The following PDK1 variants were observed in gnomAD, a reference collection of about 807,000 sequenced individuals.
The protein encoded by PDK1 is pyruvate dehydrogenase kinase 1.
Under a neutral mutation model 54.2 loss-of-function variants are expected in PDK1, and 39 were observed. The ratio of observed to expected loss-of-function variants is 0.72; its 90% CI spans 0.56 to 0.94. The LOEUF (loss-of-function observed/expected upper bound fraction) is 0.94. Ranked by LOEUF, PDK1 falls within the 40% of genes least tolerant of loss-of-function variation. The pLI is 0.00. For missense variants in PDK1, 552 were observed against 566.0 expected, an observed-to-expected ratio of 0.98 and a Z score of 0.25; for synonymous variants, 221 against 207.1, an observed-to-expected ratio of 1.07 and a Z score of -0.58.
rs562179234 is a variant in PDK1 at position 172,608,178 on chromosome 2, A to G, written c.*12209A>G. On this transcript the variant is annotated 3_prime_UTR_variant, in exon 11 of 11. Transcript: ENST00000282077. ...AAACATATAGAGTGAGATAGGAGAA[A>G]AGAAATGGGATGATAATGATATTGC... The G allele has an allele frequency of 5.3e-5, 8 of 151,184 alleles. No homozygotes were observed. The highest frequency in any genetic ancestry group is 8.8e-5 in the Non-Finnish European group (6 of 67,816). 9.4% of individuals were successfully genotyped at this position (151,184 alleles called of 1,614,324 possible). A position where few individuals can be genotyped will look rare whatever the true frequency, so the allele number is the denominator to read the frequency against.
the PDK1 span, among the ~76,000 whole-genome samples, chr2:172,621,401 T>A: frequency 6.6e-6 from 1 of 152,090 alleles, no homozygotes; most frequent in Non-Finnish European, 1.5e-5. Flanking sequence ...GGATGCTTCC[T>A]GCCCTTGAAC....
At chr2:172,658,704 G>C in the PDK1 span, among the ~76,000 whole-genome samples, 1 of 152,096 alleles carries the variant, frequency 6.6e-6, no homozygotes, top group African/African-American at 2.4e-5. Context: ...TCTATAAATG[G>C]CCGCTCTGAG....
chr2:172,681,321 C>T, the PDK1 span, among the ~76,000 whole-genome samples: 1 of 146,410 alleles, frequency 6.8e-6, no homozygotes, highest in Non-Finnish European at 1.5e-5. Context: ...AGTGGACATG[C>T]ACATTATGGA....
intron 8 of PDK1, among the ~76,000 whole-genome samples, chr2:172,585,351 A>C (rs1325411544): frequency 5.8e-5 from 6 of 104,096 alleles, no homozygotes; most frequent in Non-Finnish European, 8.9e-5. Context: ...TTTGAGAAGG[A>C]GTCTTGCTCT....
chr2:172,615,483 TGTG>T, the PDK1 span, among the ~76,000 whole-genome samples: 1 of 151,742 alleles, frequency 6.6e-6, no homozygotes, highest in Non-Finnish European at 1.5e-5. Context: ...ATTAGCCAGG[TGTG>T]GTGGTGCGTG....
At chr2:172,582,690 C>T (rs1414880849) in intron 8 of PDK1, among the ~76,000 whole-genome samples, 2 of 152,116 alleles carry the variant, frequency 1.3e-5, no homozygotes, top group Admixed American at 1.3e-4. Flanking sequence ...TTATTCCCTC[C>T]CTCCCTTTTC....
chr2:172,680,644 G>T, the PDK1 span, among the ~76,000 whole-genome samples: 1 of 152,172 alleles, frequency 6.6e-6, no homozygotes, highest in Non-Finnish European at 1.5e-5. Flanking sequence ...TGGGATTATA[G>T]ATGTGTGCTA....
chr2:172,705,245 C>A, the PDK1 span, among the ~76,000 whole-genome samples: 5 of 152,154 alleles, frequency 3.3e-5, no homozygotes, highest in African/African-American at 7.2e-5. Flanking sequence ...ACAAAAGTAT[C>A]CAAAGTCCAA....
the PDK1 span, among the ~76,000 whole-genome samples, chr2:172,616,153 C>A: frequency 6.6e-6 from 1 of 152,182 alleles, no homozygotes; most frequent in African/African-American, 2.4e-5. Flanking sequence ...CATTATAATG[C>A]ATGTGTAAAT....
the PDK1 span, among the ~76,000 whole-genome samples, chr2:172,641,255 T>C: frequency 6.6e-6 from 1 of 151,918 alleles, no homozygotes; most frequent in Non-Finnish European, 1.5e-5. Flanking sequence ...GCCTCCCAAG[T>C]TGCTGGTACT....
At chr2:172,642,490 A>T in the PDK1 span, among the ~76,000 whole-genome samples, 1 of 152,200 alleles carries the variant, frequency 6.6e-6, no homozygotes, top group East Asian at 1.9e-4. Flanking sequence ...GGAACTCGCT[A>T]AAATGCAGGA....
In PDK1 at chr2:172,601,007, T is replaced by A. The variant is rs995303994; in HGVS notation, c.*5038T>A. ...CACTGTTTTACTGGGGTTAACTGCATGAGGTCAAAAAGAGCTATATTTGAG... is the reference window on the plus strand; with the variant it reads ...CACTGTTTTACTGGGGTTAACTGCAAGAGGTCAAAAAGAGCTATATTTGAG... On this transcript the variant is annotated 3_prime_UTR_variant, in exon 11 of 11. Coordinates refer to ENST00000282077, the MANE Select transcript of PDK1 (RefSeq NM_002610.5). 12 of 152,168 alleles carry A rather than the reference T, an allele frequency of 7.9e-5. No homozygotes were observed. Among genetic ancestry groups the A allele is most frequent in the Non-Finnish European group, 1.5e-4 (10 of 68,032 alleles). The allele number at this position is 152,168 out of a possible 1,614,324, so 9.4% of individuals were successfully genotyped here.
At chr2:172,691,698 C>T in the PDK1 span, among the ~76,000 whole-genome samples, 1 of 152,198 alleles carries the variant, frequency 6.6e-6, no homozygotes, top group Non-Finnish European at 1.5e-5. Flanking sequence ...TTCTTTCACT[C>T]AGTAAGAGGC....
At chr2:172,693,208 C>T in the PDK1 span, among the ~76,000 whole-genome samples, 4 of 152,248 alleles carry the variant, frequency 2.6e-5, 1 homozygote, top group South Asian at 4.1e-4. Context: ...ACATCTTACA[C>T]GTGAGTCAGA....
intron 8 of PDK1, among the ~76,000 whole-genome samples, chr2:172,577,037 G>C (rs1439060309): frequency 6.6e-6 from 1 of 152,160 alleles, no homozygotes; most frequent in Non-Finnish European, 1.5e-5. Flanking sequence ...ATTGTTGAAA[G>C]TGGAGTATTG....
the PDK1 span, among the ~76,000 whole-genome samples, chr2:172,622,085 GAT>G: frequency 7.3e-5 from 10 of 136,192 alleles, no homozygotes; most frequent in East Asian, 2.1e-4. Flanking sequence ...TATTATGTGA[GAT>G]ATGTTTATAT....
chr2:172,580,550 A>G (rs1009776971), intron 8 of PDK1, among the ~76,000 whole-genome samples: 4 of 152,202 alleles, frequency 2.6e-5, no homozygotes, highest in African/African-American at 9.7e-5. Context: ...AACCTCAGGA[A>G]TCTGTCTTTA....
At chr2:172,572,415 T>A (rs1207015999) in intron 8 of PDK1, among the ~76,000 whole-genome samples, 2 of 152,104 alleles carry the variant, frequency 1.3e-5, no homozygotes, top group Non-Finnish European at 2.9e-5. Flanking sequence ...AACATTTTCA[T>A]CAGTCCTAAG....
chr2:172,617,668 C>G, the PDK1 span, among the ~76,000 whole-genome samples: 185 of 152,250 alleles, frequency 1.2e-3, no homozygotes, highest in African/African-American at 4.3e-3. Context: ...CTAAACACCT[C>G]CCATTAAGCC....
Sources: allele counts gnomAD v4.1 joint callset (sites outside exome capture counted in the v4.1 genomes callset), GRCh38; gene constraint gnomAD v4.1.1; transcripts MANE v1.5; gene names NCBI Gene and HGNC (gene_info 2026-07-23, HGNC 2026-07-21).